Variants in EDRF1 observed in about 807,000 individuals in gnomAD.
The protein encoded by EDRF1 is erythroid differentiation-related factor 1.
A neutral mutation model predicts 148.7 loss-of-function variants in EDRF1; 69 were observed. The observed-to-expected ratio is 0.46, with a 90% CI of 0.38 to 0.57. The LOEUF (loss-of-function observed/expected upper bound fraction) is 0.57. Among genes scored for constraint, EDRF1 ranks in the 20% least tolerant of loss-of-function variants. The pLI is 0.00. For missense variants in EDRF1, 1,118 were observed against 1,478.7 expected (o/e 0.76, Z 4.00); for synonymous variants, 515 against 532.8 (o/e 0.97, Z 0.46).
intron 12 of EDRF1, among the ~76,000 whole-genome samples, chr10:125,734,436 A>G (rs1475503604): frequency 6.6e-6 from 1 of 152,178 alleles, no homozygotes; most frequent in Non-Finnish European, 1.5e-5. Context: ...AATATTACAT[A>G]TATTGGATTA....
At chr10:125,746,455 T>A (rs1168654858) in intron 19 of EDRF1, among the ~76,000 whole-genome samples, 1 of 152,054 alleles carries the variant, frequency 6.6e-6, no homozygotes, top group African/African-American at 2.4e-5. Context: ...CTGTATAAAA[T>A]AAGAATCATT....
intron 13 of EDRF1, among the ~76,000 whole-genome samples, chr10:125,737,098 A>T (rs1162043964): frequency 6.6e-6 from 1 of 152,142 alleles, no homozygotes; most frequent in Non-Finnish European, 1.5e-5. Flanking sequence ...TTGAACTTCC[A>T]CAGTGGAGTG....
intron 2 of EDRF1, among the ~76,000 whole-genome samples, chr10:125,722,837 A>G (rs1354204140): frequency 6.6e-6 from 1 of 152,174 alleles, no homozygotes; most frequent in Non-Finnish European, 1.5e-5. Flanking sequence ...GATTATTACC[A>G]TGTTTTATCA....
At chr10:125,755,123 A>G (rs964642119) in intron 24 of EDRF1, among the ~76,000 whole-genome samples, 2 of 152,210 alleles carry the variant, frequency 1.3e-5, no homozygotes, top group African/African-American at 4.8e-5. Context: ...ATTAAGCCTC[A>G]TATCAGCTGT....
chr10:125,756,994 G>A (rs1242013882), intron 24 of EDRF1: 1 of 414,222 alleles, frequency 2.4e-6, no homozygotes, highest in East Asian at 7.5e-5. Flanking sequence ...TTAATTTTTT[G>A]TAGAGATGGG....
chr10:125,754,160 G>A (rs758446874), intron 24 of EDRF1, among the ~76,000 whole-genome samples: 2 of 150,076 alleles, frequency 1.3e-5, no homozygotes, highest in Non-Finnish European at 2.9e-5. Flanking sequence ...AGGTTGCAGC[G>A]AGCTGAAATC....
intron 24 of EDRF1, among the ~76,000 whole-genome samples, chr10:125,757,283 T>C (rs1259453760): frequency 2.0e-5 from 3 of 152,250 alleles, no homozygotes; most frequent in Non-Finnish European, 2.9e-5. Context: ...ACCTAGGATT[T>C]TGCAGTATAC....
chr10:125,744,195 CTTTGGT>C (rs1177881811), intron 18 of EDRF1, among the ~76,000 whole-genome samples: 64 of 150,008 alleles, frequency 4.3e-4, no homozygotes, highest in African/African-American at 1.5e-3. Flanking sequence ...ATCTGTGGGC[CTTTGGT>C]TTTGGTTTTG....
intron 19 of EDRF1, among the ~76,000 whole-genome samples, chr10:125,746,506 T>G (rs1849363120): frequency 6.6e-6 from 1 of 152,172 alleles, no homozygotes; most frequent in Non-Finnish European, 1.5e-5. Context: ...CAAATAACCT[T>G]GAACAGAAAA....
At chr10:125,743,325 T>G (rs1373498863) in intron 18 of EDRF1, 49 bp downstream of exon 18, 1 of 1,528,288 alleles carries the variant, frequency 6.5e-7, no homozygotes, top group South Asian at 1.1e-5. Context: ...CTCAGAAAAT[T>G]ATGCTAATTT....
intron 2 of EDRF1, among the ~76,000 whole-genome samples, chr10:125,721,730 G>A (rs750829640): frequency 6.6e-6 from 1 of 152,188 alleles, no homozygotes; most frequent in Non-Finnish European, 1.5e-5. Context: ...GAATACAAAG[G>A]ATCAGCTTGG....
At chr10:125,748,267 A>G (rs1277351295) in intron 21 of EDRF1, 3 of 539,974 alleles carry the variant, frequency 5.6e-6, no homozygotes, top group Middle Eastern at 5.1e-4. Context: ...GTCACTTAAC[A>G]TCGTGTTTTT....
At chr10:125,742,750 A>G in intron 17 of EDRF1, 1 of 985,158 alleles carries the variant, frequency 1.0e-6, no homozygotes, top group Non-Finnish European at 1.2e-6. Context: ...TTTACTTTGT[A>G]TTAGTGGACA....
chr10:125,748,141 T>G, intron 21 of EDRF1, 129 bp downstream of exon 21: 2 of 1,082,010 alleles, frequency 1.8e-6, no homozygotes, highest in Non-Finnish European at 2.8e-6. Context: ...TCCTAAATTT[T>G]CTGCTGCGTC....
chr10:125,760,725 C>A (rs1185469054), intron 24 of EDRF1, among the ~76,000 whole-genome samples: 1 of 152,090 alleles, frequency 6.6e-6, no homozygotes, highest in Non-Finnish European at 1.5e-5. Context: ...AGAGAGAAAT[C>A]AGAATGAGAC....
intron 19 of EDRF1, chr10:125,747,245 G>T: frequency 3.1e-6 from 1 of 324,332 alleles, no homozygotes; most frequent in East Asian, 6.2e-5. Context: ...AAAAACAAAG[G>T]AAACAAGTGC....
intron 12 of EDRF1, among the ~76,000 whole-genome samples, chr10:125,734,763 C>T (rs1174426477): frequency 1.3e-5 from 2 of 152,110 alleles, no homozygotes; most frequent in African/African-American, 4.8e-5. Context: ...CAGTCATGCT[C>T]CCAACAGTTT....
chr10:125,723,286 T>G (rs1848092236), intron 3 of EDRF1, 152 bp downstream of exon 3: 1 of 765,354 alleles, frequency 1.3e-6, no homozygotes, highest in African/African-American at 1.7e-5. Context: ...GTATCTTTTT[T>G]GTTGTTAAAG....
chr10:125,759,780 G>A (rs925342088), intron 24 of EDRF1, among the ~76,000 whole-genome samples: 1 of 151,560 alleles, frequency 6.6e-6, no homozygotes, highest in Non-Finnish European at 1.5e-5. Flanking sequence ...GCGCAATCTC[G>A]GCTCACTGCA....
Sources: gnomAD v4.1 joint callset for allele counts (sites outside exome capture counted in the v4.1 genomes callset) on GRCh38, gnomAD v4.1.1 for gene constraint, MANE v1.5 for transcripts, NCBI Gene and HGNC (gene_info 2026-07-23, HGNC 2026-07-21) for gene names.